The following ALG9 variants were observed in gnomAD, a reference collection of about 807,000 sequenced individuals.
The protein encoded by ALG9 is ALG9 alpha-1,2-mannosyltransferase, also known as alpha-1,2-mannosyltransferase ALG9.
Under a neutral mutation model 81.8 loss-of-function variants are expected in ALG9, and 55 were observed. The observed-to-expected ratio is 0.67, with a 90% CI of 0.54 to 0.84. The LOEUF (loss-of-function observed/expected upper bound fraction) is 0.84, where lower values mean the gene tolerates loss of function less well. ALG9 is among the 40% of genes least tolerant of loss of function. ALG9 has a pLI of 0.00. For missense variants in ALG9, 629 were observed against 745.0 expected, an observed-to-expected ratio of 0.84 and a Z score of 1.81; for synonymous variants, 278 against 274.3, an observed-to-expected ratio of 1.01 and a Z score of -0.13.
intron 3 of ALG9, among the ~76,000 whole-genome samples, chr11:111,866,513 G>A (rs1962519771): frequency 6.6e-6 from 1 of 151,992 alleles, no homozygotes; most frequent in Non-Finnish European, 1.5e-5. Context: ...TGATGCTGGG[G>A]CTAAGACTCT....
At chr11:111,836,665 G>A in intron 12 of ALG9, 1 of 305,604 alleles carries the variant, frequency 3.3e-6, no homozygotes, top group South Asian at 3.0e-5. Context: ...GTAATATATG[G>A]CACTGAGAAC....
At chr11:111,841,115 A>C (rs1555123388) in intron 9 of ALG9, among the ~76,000 whole-genome samples, 1 of 152,236 alleles carries the variant, frequency 6.6e-6, no homozygotes, top group African/African-American at 2.4e-5. Context: ...AGATGAAGGA[A>C]AAATAAGCCG....
chr11:111,774,474 T>C, the ALG9 span, among the ~76,000 whole-genome samples: 3 of 152,220 alleles, frequency 2.0e-5, no homozygotes, highest in Non-Finnish European at 4.4e-5. Flanking sequence ...CGTGCTTGTA[T>C]ATGTACCAAA....
At chr11:111,768,121 C>T in the ALG9 span, among the ~76,000 whole-genome samples, 1 of 152,028 alleles carries the variant, frequency 6.6e-6, no homozygotes, top group Non-Finnish European at 1.5e-5. Context: ...AAATGAAAGC[C>T]AAATGCATCA....
chr11:111,848,365 G>C (rs1555132787), intron 8 of ALG9, among the ~76,000 whole-genome samples: 1 of 151,976 alleles, frequency 6.6e-6, no homozygotes, highest in Non-Finnish European at 1.5e-5. Context: ...GGAAAGTGTA[G>C]AAAGGTCCCT....
At chr11:111,798,759 T>C (rs1948667056) in intron 14 of ALG9, among the ~76,000 whole-genome samples, 1 of 152,214 alleles carries the variant, frequency 6.6e-6, no homozygotes, top group South Asian at 2.1e-4. Flanking sequence ...ACTCAGGGAA[T>C]GGAAGTTGCA....
chr11:111,842,756 T>C (rs560591118), intron 9 of ALG9, among the ~76,000 whole-genome samples: 1 of 152,222 alleles, frequency 6.6e-6, no homozygotes, highest in East Asian at 1.9e-4. Context: ...GGTTCTATTC[T>C]AAAATCACAT....
chr11:111,842,099 G>A (rs1375637621), intron 9 of ALG9, among the ~76,000 whole-genome samples: 1 of 152,228 alleles, frequency 6.6e-6, no homozygotes, highest in South Asian at 2.1e-4. Context: ...GTTTCACAGT[G>A]TTGGTCATGC....
intron 13 of ALG9, among the ~76,000 whole-genome samples, chr11:111,835,907 C>T (rs946087756): frequency 2.0e-5 from 3 of 152,146 alleles, no homozygotes; most frequent in African/African-American, 4.8e-5. Flanking sequence ...TAAGCCACCA[C>T]ACCTGGCTTA....
intron 13 of ALG9, among the ~76,000 whole-genome samples, chr11:111,821,319 G>A (rs1355094274): frequency 6.6e-6 from 1 of 152,080 alleles, no homozygotes; most frequent in Non-Finnish European, 1.5e-5. Context: ...TACTGCCCCA[G>A]TCAAACATCC....
Position 111,812,915 on chromosome 11 carries a change from C to CAA in ALG9, c.1603-3144_1603-3143dup, listed in dbSNP as rs57311061. Among the ~76,000 whole-genome samples the CAA allele has an allele frequency of 5.1e-5, 5 of 98,764 alleles. 1 individual carries two copies. Among genetic ancestry groups the CAA allele is most frequent in the South Asian group, 6.5e-4 (2 of 3,060 alleles). The allele number at this position is 98,764 out of a possible 152,430, so 64.8% of individuals were successfully genotyped here. A position where few individuals can be genotyped will look rare whatever the true frequency, so the allele number is the denominator to read the frequency against. ...CTGGTGACAGAGCAAGACTCTGTCTCAAAAAAAAAAAAAAAAAAGAAATTA... is the reference window on the plus strand; with the variant it reads ...CTGGTGACAGAGCAAGACTCTGTCTCAAAAAAAAAAAAAAAAAAAAGAAATTA... On this transcript the variant is annotated intron_variant, in intron 13 of 14. Transcript: ENST00000616540.
chr11:111,808,155 T>G (rs1171501475), intron 14 of ALG9, among the ~76,000 whole-genome samples: 1 of 152,164 alleles, frequency 6.6e-6, no homozygotes, highest in Non-Finnish European at 1.5e-5. Context: ...ATCAGATACT[T>G]GAGGGAATGG....
At chr11:111,837,649 T>A (rs782213604) in intron 11 of ALG9, 34 bp from the exon 12 acceptor site, 1 of 1,608,076 alleles carries the variant, frequency 6.2e-7, no homozygotes, top group South Asian at 1.1e-5. Flanking sequence ...GAGCCAGAGA[T>A]GAGTAAGATG....
chr11:111,851,348 G>A (rs990347989), intron 8 of ALG9, among the ~76,000 whole-genome samples: 18 of 152,064 alleles, frequency 1.2e-4, no homozygotes, highest in Admixed American at 7.2e-4. Flanking sequence ...GTGTGGTGGC[G>A]GGCGCCTATA....
chr11:111,816,831 G>T (rs1257508702), intron 13 of ALG9, among the ~76,000 whole-genome samples: 7 of 152,008 alleles, frequency 4.6e-5, no homozygotes, highest in Non-Finnish European at 7.4e-5. Context: ...AAAGTTCTGG[G>T]TTACAGGCAT....
intron 6 of ALG9, among the ~76,000 whole-genome samples, chr11:111,856,276 CAAAAAAAAAAAAA>C: frequency 2.6e-5 from 1 of 38,584 alleles, no homozygotes; most frequent in East Asian, 7.7e-4. Flanking sequence ...GACTCCATCT[CAAAAAAAAAAAAA>C]AAAAAAAGAA....
At chr11:111,812,576 AAAC>A (rs1282451191) in intron 13 of ALG9, among the ~76,000 whole-genome samples, 11 of 152,228 alleles carry the variant, frequency 7.2e-5, no homozygotes, top group African/African-American at 1.9e-4. Flanking sequence ...CTAAAAAGAA[AAAC>A]AACAACAACA....
chr11:111,795,068 AAG>A (rs141686016), intron 14 of ALG9, among the ~76,000 whole-genome samples: 2,140 of 152,288 alleles, frequency 0.014, 59 homozygotes, highest in African/African-American at 0.049. Context: ...TGTTATCCAA[AAG>A]AGGAGTTCCA....
rs1394403750 is a variant in ALG9, at chr11:111,849,654, G to A, written c.895+3726C>T. 2.0e-5 allele frequency: 3 copies of A among 151,452 alleles called. No individual in the cohort carries two copies. In the East Asian group the frequency reaches 5.8e-4, roughly 29 times the overall value. The allele number at this position is 151,452 out of a possible 1,614,324, so 9.4% of individuals were successfully genotyped here. On this transcript the variant is annotated intron_variant, in intron 8 of 14. Coordinates refer to ENST00000616540, the MANE Select transcript of ALG9 (RefSeq NM_024740.2). ...CCCTCCGCCCCCTCCACAGGCCCCA[G>A]TGTATGTTGCTCCCCTCCCTGTGTC...
Sources: allele counts gnomAD v4.1 joint callset (sites outside exome capture counted in the v4.1 genomes callset), GRCh38; gene constraint gnomAD v4.1.1; transcripts MANE v1.5; gene names NCBI Gene and HGNC (gene_info 2026-07-23, HGNC 2026-07-21).